The following KIAA1328 variants were observed in gnomAD, a reference collection of about 807,000 sequenced individuals.
KIAA1328 encodes protein hinderin.
In KIAA1328, 52 loss-of-function variants were observed where a neutral mutation model predicts 68.1. The ratio of observed to expected loss-of-function variants is 0.76; its 90% CI spans 0.61 to 0.96. The LOEUF (loss-of-function observed/expected upper bound fraction) is 0.96. Among genes scored for constraint, KIAA1328 ranks in the 40% least tolerant of loss-of-function variants. The pLI is 0.00. For missense variants in KIAA1328, 641 were observed against 677.6 expected (o/e 0.95, Z 0.60); for synonymous variants, 232 against 239.4 (o/e 0.97, Z 0.28).
At chr18:37,025,250 T>A (rs747660361) in intron 6 of KIAA1328, among the ~76,000 whole-genome samples, 3 of 152,086 alleles carry the variant, frequency 2.0e-5, no homozygotes, top group Non-Finnish European at 4.4e-5. Context: ...ACAAAGAGAC[T>A]TAGACTCCCA....
intron 7 of KIAA1328, among the ~76,000 whole-genome samples, chr18:37,121,327 G>A (rs371477929): frequency 1.6e-4 from 24 of 152,036 alleles, no homozygotes; most frequent in Non-Finnish European, 3.1e-4. Context: ...AATTCATCAG[G>A]TTAGTTGAAG....
chr18:36,987,491 A>T (rs113121130), intron 6 of KIAA1328, among the ~76,000 whole-genome samples: 3,703 of 75,398 alleles, frequency 0.049, 79 homozygotes, highest in South Asian at 0.13. Context: ...ATAATAAAAA[A>T]AAATAAATAA....
intron 7 of KIAA1328, among the ~76,000 whole-genome samples, chr18:37,158,280 G>A (rs2059200989): frequency 6.6e-6 from 1 of 152,038 alleles, no homozygotes; most frequent in Non-Finnish European, 1.5e-5. Context: ...CTCAGGTGTG[G>A]GATAAAAGTA....
intron 6 of KIAA1328, among the ~76,000 whole-genome samples, chr18:36,981,984 ATGAG>A (rs2052707287): frequency 6.6e-6 from 1 of 150,832 alleles, no homozygotes; most frequent in Non-Finnish European, 1.5e-5. Context: ...AGAAGAAAAA[ATGAG>A]TGAGTTGGAG....
intron 5 of KIAA1328, among the ~76,000 whole-genome samples, chr18:36,931,792 G>A (rs964234200): frequency 2.0e-5 from 3 of 151,530 alleles, no homozygotes; most frequent in Non-Finnish European, 2.9e-5. Flanking sequence ...AATATATACT[G>A]TGATGCAAAT....
At chr18:36,895,755 A>G (rs776990063) in intron 5 of KIAA1328, 36 of 456,126 alleles carry the variant, frequency 7.9e-5, no homozygotes, top group South Asian at 4.8e-4. Context: ...GTAGCTGAAG[A>G]TAGGGTTTTT....
At chr18:36,954,192 C>T (rs995570864) in intron 5 of KIAA1328, among the ~76,000 whole-genome samples, 4 of 151,654 alleles carry the variant, frequency 2.6e-5, no homozygotes, top group Admixed American at 1.3e-4. Context: ...TTAGTAGAGA[C>T]GGGGTTTCAC....
intron 6 of KIAA1328, among the ~76,000 whole-genome samples, chr18:37,013,389 A>G (rs547044040): frequency 6.6e-6 from 1 of 152,184 alleles, no homozygotes; most frequent in South Asian, 2.1e-4. Flanking sequence ...TACATGTGCA[A>G]GTTTGTTATC....
intron 7 of KIAA1328, among the ~76,000 whole-genome samples, chr18:37,135,848 G>A (rs1040673243): frequency 1.3e-5 from 2 of 152,228 alleles, no homozygotes; most frequent in Admixed American, 6.5e-5. Context: ...CATCCGTCTT[G>A]AGTTAATTTT....
chr18:36,846,633 C>T (rs2047038719), intron 4 of KIAA1328, among the ~76,000 whole-genome samples: 1 of 151,450 alleles, frequency 6.6e-6, no homozygotes, highest in African/African-American at 2.4e-5. Flanking sequence ...CCCTTTCTCC[C>T]CCATCCCAGG....
intron 7 of KIAA1328, among the ~76,000 whole-genome samples, chr18:37,083,800 T>G (rs2057019621): frequency 6.6e-6 from 1 of 152,208 alleles, no homozygotes; most frequent in Admixed American, 6.5e-5. Context: ...GCAGTACACT[T>G]GCTTACAATG....
At chr18:37,126,098 G>T (rs2058383232) in intron 7 of KIAA1328, among the ~76,000 whole-genome samples, 1 of 152,156 alleles carries the variant, frequency 6.6e-6, no homozygotes, top group Non-Finnish European at 1.5e-5. Flanking sequence ...TGATGGTTCA[G>T]TGTGCACAAA....
At chr18:36,980,796 G>A (rs887201824) in intron 6 of KIAA1328, among the ~76,000 whole-genome samples, 1 of 152,144 alleles carries the variant, frequency 6.6e-6, no homozygotes, top group Non-Finnish European at 1.5e-5. Context: ...TAAATCTCAT[G>A]AGTTCTGACA....
intron 7 of KIAA1328, among the ~76,000 whole-genome samples, chr18:37,132,088 CA>C (rs751202491): frequency 5.5e-4 from 79 of 143,964 alleles, no homozygotes; most frequent in Middle Eastern, 7.0e-3. Context: ...GACCCAATGG[CA>C]AAAAAAAAAG....
intron 6 of KIAA1328, among the ~76,000 whole-genome samples, chr18:37,031,614 A>G (rs1164429272): frequency 6.6e-6 from 1 of 152,196 alleles, no homozygotes; most frequent in Non-Finnish European, 1.5e-5. Context: ...TTTATAATCT[A>G]GCCAGACTGT....
At chr18:37,096,322 G>A (rs1274039730) in intron 7 of KIAA1328, among the ~76,000 whole-genome samples, 1 of 152,118 alleles carries the variant, frequency 6.6e-6, no homozygotes. Context: ...GTGAGAACAT[G>A]CAGTGTTTGG....
In KIAA1328 at chr18:36,987,499, T is replaced by A. The variant is rs546530975; in HGVS notation, c.576+28064T>A. ...TTAGAGTATAATAAAAAAAAATAAATAAATAAATAAAAATAAAAAAATAAA... is the reference window on the plus strand; with the variant it reads ...TTAGAGTATAATAAAAAAAAATAAAAAAATAAATAAAAATAAAAAAATAAA... On this transcript the variant is annotated intron_variant, in intron 6 of 9. Coordinates refer to ENST00000280020, the MANE Select transcript of KIAA1328 (RefSeq NM_020776.3). Among the ~76,000 whole-genome samples the A allele has an allele frequency of 2.0e-4, 12 of 61,058 alleles. No individual in the cohort carries two copies. In the South Asian group the frequency reaches 0.011, roughly 56 times the overall value. The allele number at this position is 61,058 out of a possible 152,430, so 40.1% of individuals were successfully genotyped here. A position where few individuals can be genotyped will look rare whatever the true frequency, so the allele number is the denominator to read the frequency against.
Position 36,953,373 on chromosome 18 carries a change from TATAGATAGATAGATAG to T in KIAA1328, c.449-5901_449-5886del, listed in dbSNP as rs10617798. On this transcript the variant is annotated intron_variant, in intron 5 of 9. Transcript: ENST00000280020. ...AGCAGATATAGCCAATGCCAACAAC[TATAGATAGATAGATAG>T]ATAGATAGATAGATAGATAGATAGA... 8.6e-4 allele frequency among the ~76,000 whole-genome samples: 121 copies of T among 140,708 alleles called. 1 individual carries two copies. Among genetic ancestry groups the T allele is most frequent in the African/African-American group, 1.3e-3 (51 of 38,378 alleles). 92.3% of individuals were successfully genotyped at this position (140,708 alleles called of 152,430 possible).
intron 6 of KIAA1328, among the ~76,000 whole-genome samples, chr18:36,969,456 A>G (rs2052079947): frequency 6.6e-6 from 1 of 152,190 alleles, no homozygotes; most frequent in African/African-American, 2.4e-5. Context: ...AAAAGGGAAT[A>G]TTATCACTGA....
Sources: allele counts gnomAD v4.1 joint callset (sites outside exome capture counted in the v4.1 genomes callset), GRCh38; gene constraint gnomAD v4.1.1; transcripts MANE v1.5; gene names NCBI Gene and HGNC (gene_info 2026-07-23, HGNC 2026-07-21).